REDIC1: variants seen among roughly 807,000 people sequenced by gnomAD.
The protein encoded by REDIC1 is regulator of DNA class I crossover intermediates 1, also known as HEI10 Interacting Protein 1.
At chr12:39,732,415 G>A in the REDIC1 span, among the ~76,000 whole-genome samples, 1 of 152,084 alleles carries the variant, frequency 6.6e-6, no homozygotes. Flanking sequence ...TTTTTCATTA[G>A]GAGGCTCGTA....
chr12:39,682,940 A>C, the REDIC1 span: 1 of 1,613,438 alleles, frequency 6.2e-7, no homozygotes, highest in Admixed American at 1.7e-5. Context: ...TCTGATAAAA[A>C]CCATGTCACT....
the REDIC1 span, among the ~76,000 whole-genome samples, chr12:39,742,983 C>CT: frequency 6.6e-6 from 1 of 152,098 alleles, no homozygotes; most frequent in Non-Finnish European, 1.5e-5. Flanking sequence ...TAAGTCTGAG[C>CT]TAAAAACTCC....
chr12:39,806,623 C>A, the REDIC1 span, among the ~76,000 whole-genome samples: 1 of 152,138 alleles, frequency 6.6e-6, no homozygotes, highest in South Asian at 2.1e-4. Context: ...ACAACTTCTT[C>A]AAGCAAACTT....
chr12:39,889,821 G>T, the REDIC1 span, among the ~76,000 whole-genome samples: 108,723 of 151,998 alleles, frequency 0.72, 38,944 homozygotes, highest in South Asian at 0.79. Flanking sequence ...TGAGCCACCA[G>T]GCCTGGCCAT....
the REDIC1 span, among the ~76,000 whole-genome samples, chr12:39,771,838 T>C: frequency 4.3e-4 from 65 of 152,274 alleles, no homozygotes; most frequent in Admixed American, 3.7e-3. Context: ...CTACCTTATC[T>C]TGTACTCCTG....
the REDIC1 span, among the ~76,000 whole-genome samples, chr12:39,678,104 A>C: frequency 6.6e-6 from 1 of 152,098 alleles, no homozygotes; most frequent in Non-Finnish European, 1.5e-5. Context: ...AGCAGAACTA[A>C]ATGAAATTGA....
the REDIC1 span, among the ~76,000 whole-genome samples, chr12:39,733,880 C>T: frequency 1.3e-5 from 2 of 152,196 alleles, no homozygotes; most frequent in Non-Finnish European, 2.9e-5. Flanking sequence ...ACTTAGCTCC[C>T]TGGCTTCAGC....
chr12:39,787,474 G>T, the REDIC1 span, among the ~76,000 whole-genome samples: 1 of 152,084 alleles, frequency 6.6e-6, no homozygotes, highest in African/African-American at 2.4e-5. Flanking sequence ...CCTTTATCGG[G>T]ATTTCTAGGA....
chr12:39,761,317 A>T, the REDIC1 span, among the ~76,000 whole-genome samples: 1 of 152,026 alleles, frequency 6.6e-6, no homozygotes, highest in Non-Finnish European at 1.5e-5. Context: ...TTACAGCCAA[A>T]ATCAGGGGCA....
the REDIC1 span, among the ~76,000 whole-genome samples, chr12:39,878,291 G>C: frequency 1.3e-5 from 2 of 152,202 alleles, no homozygotes; most frequent in African/African-American, 4.8e-5. Context: ...CTGTGTAATG[G>C]GCAGAGGTTG....
At chr12:39,785,075 G>C in the REDIC1 span, among the ~76,000 whole-genome samples, 2 of 152,138 alleles carry the variant, frequency 1.3e-5, no homozygotes, top group Non-Finnish European at 1.5e-5. Flanking sequence ...AATTCAAGCC[G>C]GCTGCAGAAA....
chr12:39,779,094 G>A, the REDIC1 span, among the ~76,000 whole-genome samples: 1 of 152,176 alleles, frequency 6.6e-6, no homozygotes, highest in Non-Finnish European at 1.5e-5. Flanking sequence ...CCCAAGGGCT[G>A]GCATAAGTTG....
chr12:39,700,329 A>C, the REDIC1 span, among the ~76,000 whole-genome samples: 1 of 152,218 alleles, frequency 6.6e-6, no homozygotes, highest in Non-Finnish European at 1.5e-5. Flanking sequence ...CAACTGGAAG[A>C]AAGGGTATCA....
At chr12:39,745,341 A>T in the REDIC1 span, among the ~76,000 whole-genome samples, 1 of 152,328 alleles carries the variant, frequency 6.6e-6, no homozygotes, top group South Asian at 2.1e-4. Flanking sequence ...ATTGTAAAAA[A>T]TAAACAATAA....
chr12:39,699,746 G>C, the REDIC1 span, among the ~76,000 whole-genome samples: 1 of 152,216 alleles, frequency 6.6e-6, no homozygotes, highest in Admixed American at 6.5e-5. Flanking sequence ...CTAGAGATCT[G>C]AGAACAGGCA....
chr12:39,720,802 G>T, the REDIC1 span: 3 of 1,609,292 alleles, frequency 1.9e-6, no homozygotes, highest in South Asian at 1.1e-5. Context: ...TGAAGATGAA[G>T]ATCAAATATC....
chr12:39,836,226 C>T, the REDIC1 span, among the ~76,000 whole-genome samples: 1 of 152,002 alleles, frequency 6.6e-6, no homozygotes. Flanking sequence ...GGAAATTAGA[C>T]AATAGCCAAT....
the REDIC1 span, among the ~76,000 whole-genome samples, chr12:39,666,672 T>G: frequency 6.6e-6 from 1 of 152,170 alleles, no homozygotes; most frequent in Non-Finnish European, 1.5e-5. Context: ...TTTGGTAGAA[T>G]TCGGCTGTGA....
At chr12:39,851,345 A>C in the REDIC1 span, among the ~76,000 whole-genome samples, 2 of 152,234 alleles carry the variant, frequency 1.3e-5, no homozygotes, top group African/African-American at 4.8e-5. Flanking sequence ...GATTTATGAC[A>C]TAAAAATCAT....
Sources: allele counts gnomAD v4.1 joint callset (sites outside exome capture counted in the v4.1 genomes callset), GRCh38; gene constraint gnomAD v4.1.1; transcripts MANE v1.5; gene names NCBI Gene and HGNC (gene_info 2026-07-23, HGNC 2026-07-21).